The following GSG1L2 variants were observed in gnomAD, a reference collection of about 807,000 sequenced individuals.
The protein encoded by GSG1L2 is GSG1 like 2, also known as germ cell-specific gene 1-like protein 2.
Under a neutral mutation model 9.0 loss-of-function variants are expected in GSG1L2, and 15 were observed. The observed-to-expected ratio is 1.67, with a 90% CI of 1.12 to 2.57. The LOEUF (loss-of-function observed/expected upper bound fraction) is 2.57, where lower values mean the gene tolerates loss of function less well. GSG1L2 is among the 30% of genes most tolerant of loss of function. The pLI is 0.00. For missense variants in GSG1L2, 286 were observed against 150.3 expected, an observed-to-expected ratio of 1.90 and a Z score of -4.72; for synonymous variants, 127 against 57.9, an observed-to-expected ratio of 2.19 and a Z score of -5.41.
chr17:9,814,864 C>T (rs2066553514), intron 1 of GSG1L2, among the ~76,000 whole-genome samples: 1 of 152,128 alleles, frequency 6.6e-6, no homozygotes, highest in Admixed American at 6.5e-5. Flanking sequence ...GTCCCTCTGT[C>T]CTGAACTTTT....
chr17:9,810,717 G>A, intron 1 of GSG1L2, 99 bp from the exon 2 acceptor site: 1 of 690,952 alleles, frequency 1.4e-6, no homozygotes. Flanking sequence ...GGAATGGGGA[G>A]TGTGCAGACT....
intron 2 of GSG1L2, 163 bp from the exon 3 acceptor site, chr17:9,809,145 G>C: frequency 1.6e-6 from 1 of 611,620 alleles, no homozygotes; most frequent in Non-Finnish European, 2.9e-6. Context: ...GCAATGGAAA[G>C]GCACTCCTCA....
chr17:9,814,297 C>T (rs934377768), intron 1 of GSG1L2, among the ~76,000 whole-genome samples: 4 of 152,152 alleles, frequency 2.6e-5, no homozygotes, highest in African/African-American at 9.7e-5. Context: ...ATTTTATGGA[C>T]CTGGAGGAGA....
At chr17:9,807,332 G>T (rs2066519606) in intron 4 of GSG1L2, 158 bp downstream of exon 4, 6 of 603,814 alleles carry the variant, frequency 9.9e-6, no homozygotes, top group Non-Finnish European at 1.8e-5. Context: ...ATCGATGAGG[G>T]AATTGGGCTA....
chr17:9,807,843 G>A (rs1232335210), intron 3 of GSG1L2: 1 of 432,444 alleles, frequency 2.3e-6, no homozygotes, highest in African/African-American at 2.0e-5. Flanking sequence ...TCCATGGCCT[G>A]GTTCCTTCCT....
chr17:9,807,103 C>T (rs572066311), intron 4 of GSG1L2, among the ~76,000 whole-genome samples: 2 of 152,294 alleles, frequency 1.3e-5, no homozygotes, highest in South Asian at 2.1e-4. Flanking sequence ...ATTCCCATGT[C>T]GTGACCTTGT....
chr17:9,818,810 T>A (rs1049260856), intron 1 of GSG1L2, among the ~76,000 whole-genome samples: 11 of 152,120 alleles, frequency 7.2e-5, no homozygotes, highest in Admixed American at 6.6e-4. Context: ...ATCCAAACTC[T>A]ATCACCCCCG....
intron 4 of GSG1L2, 87 bp from the exon 5 acceptor site, chr17:9,802,731 GA>G: frequency 1.5e-6 from 1 of 649,724 alleles, no homozygotes; most frequent in South Asian, 1.7e-5. Flanking sequence ...TCAATCTGGA[GA>G]AAACAACAGC....
rs1597369679 is a variant in GSG1L2 at position 9,820,573 on chromosome 17, A to AG, written c.310+1188dup. 1.3e-5 allele frequency among the ~76,000 whole-genome samples: 2 copies of AG among 151,944 alleles called. No homozygotes were observed. Among genetic ancestry groups the AG allele is most frequent in the East Asian group, 1.9e-4 (1 of 5,160 alleles). ...ACAGGCACTGGCCTGGATACATGGG[A>AG]GGTTCAGTCAGGCTGGGTACTGCCC... On this transcript the variant is annotated intron_variant, in intron 1 of 4. Coordinates refer to ENST00000399363, the MANE Select transcript of GSG1L2 (RefSeq NM_001310219.2). This position sits in a 1 kb window ranked among gnomAD's most constrained non-coding sequence, Gnocchi z 4.9.
chr17:9,808,251 C>A (rs1194753146), intron 3 of GSG1L2, among the ~76,000 whole-genome samples: 1 of 151,956 alleles, frequency 6.6e-6, no homozygotes, highest in Non-Finnish European at 1.5e-5. Flanking sequence ...ACTTAGGAGA[C>A]CCGATTAAGT....
chr17:9,800,755 C>T lies in GSG1L2; in HGVS notation c.*1631G>A, dbSNP rs2066493626. On this transcript the variant is annotated 3_prime_UTR_variant, in exon 5 of 5. Transcript: ENST00000399363. ...TTGACCTGATATCGTGACAGTCACACAGGACCTGCCTACATGAATACATAG... is the reference window on the plus strand; with the variant it reads ...TTGACCTGATATCGTGACAGTCACATAGGACCTGCCTACATGAATACATAG... Among the ~76,000 whole-genome samples, 1 of 152,190 alleles carries T rather than the reference C, an allele frequency of 6.6e-6. No homozygotes were observed. Among genetic ancestry groups the T allele is most frequent in the South Asian group, 2.1e-4 (1 of 4,834 alleles).
rs891551493 is a variant in GSG1L2, at chr17:9,820,801, C to T, written c.310+961G>A. 7.2e-5 allele frequency among the ~76,000 whole-genome samples: 11 copies of T among 152,016 alleles called. No homozygotes were observed. Among genetic ancestry groups the T allele is most frequent in the African/African-American group, 2.7e-4 (11 of 41,384 alleles). ...GAGTAGCTGGGACCACAGGCACACC[C>T]CACCATGTCCAGCTAATTTTTTAAA... On this transcript the variant is annotated intron_variant, in intron 1 of 4. Coordinates refer to ENST00000399363, the MANE Select transcript of GSG1L2 (RefSeq NM_001310219.2). The surrounding 1 kb of genome is among the most constrained non-coding windows in gnomAD (Gnocchi z 4.9).
rs912539036 is a variant in GSG1L2, at chr17:9,808,896, A to C, written c.445T>G (p.Cys149Gly). The C allele has an allele frequency of 1.7e-5, 12 of 702,890 alleles. No homozygotes were observed. In the African/African-American group the frequency reaches 2.1e-4, roughly 12 times the overall value. The allele number at this position is 702,890 out of a possible 1,614,324, so 43.5% of individuals were successfully genotyped here. A position where few individuals can be genotyped will look rare whatever the true frequency, so the allele number is the denominator to read the frequency against. Reference sequence around the variant, plus strand: ...AGCCAGTGGAACCCAGGGCTGCGACAACTCACTCTGGAGCCCAGGAGGATG... The same window carrying C: ...AGCCAGTGGAACCCAGGGCTGCGACCACTCACTCTGGAGCCCAGGAGGATG... ...SAILLGSRVS[C>G]RSPGFHWLRV... The change falls in exon 3 of 5, where the codon TGT (cysteine) becomes GGT (glycine). Residue 149 changes from cysteine (C) to glycine (G), a missense_variant. Coordinates refer to ENST00000399363, the MANE Select transcript of GSG1L2 (RefSeq NM_001310219.2).
At chr17:9,803,392 C>A (rs766185644) in intron 4 of GSG1L2, among the ~76,000 whole-genome samples, 6 of 152,168 alleles carry the variant, frequency 3.9e-5, no homozygotes, top group Admixed American at 3.3e-4. Context: ...CATGAGCCAC[C>A]GCGCCCGACC....
At chr17:9,809,122 T>C in intron 2 of GSG1L2, 140 bp from the exon 3 acceptor site, 1 of 623,440 alleles carries the variant, frequency 1.6e-6, no homozygotes, top group Non-Finnish European at 2.9e-6. Flanking sequence ...ATGCCTCTGC[T>C]GAATCTTAGC....
intron 3 of GSG1L2, among the ~76,000 whole-genome samples, chr17:9,808,434 T>C (rs978040099): frequency 1.3e-5 from 2 of 152,138 alleles, no homozygotes; most frequent in Non-Finnish European, 2.9e-5. Context: ...TGAGATACAT[T>C]ATAGTGTTCT....
intron 1 of GSG1L2, among the ~76,000 whole-genome samples, chr17:9,812,950 C>G (rs1380990295): frequency 6.6e-6 from 1 of 152,168 alleles, no homozygotes; most frequent in Non-Finnish European, 1.5e-5. Flanking sequence ...AGAGATCTGG[C>G]TTGCTCTCTA....
Position 9,803,251 on chromosome 17 carries a change from C to T in GSG1L2, c.624-607G>A, listed in dbSNP as rs140454487. ...CCAAGTAGCCGGGACCACAGGCATG[C>T]GCCACCACACCCGGCTAATTTTTGT... On this transcript the variant is annotated intron_variant, in intron 4 of 4. Transcript: ENST00000399363. Among the ~76,000 whole-genome samples the T allele has an allele frequency of 2.8e-3, 431 of 152,164 alleles. 1 individual carries two copies. Among genetic ancestry groups the T allele is most frequent in the African/African-American group, 9.8e-3 (406 of 41,512 alleles).
At chr17:9,816,840 GTGTGTTTC>G (rs2066567784) in intron 1 of GSG1L2, among the ~76,000 whole-genome samples, 2 of 130,782 alleles carry the variant, frequency 1.5e-5, no homozygotes, top group Admixed American at 8.4e-5. Context: ...GTGTATCTGT[GTGTGTTTC>G]TGTGTATCTG....
Sources: allele counts gnomAD v4.1 joint callset (sites outside exome capture counted in the v4.1 genomes callset), GRCh38; gene constraint gnomAD v4.1.1; non-coding constraint Gnocchi (gnomAD v3.1); transcripts MANE v1.5; gene names NCBI Gene and HGNC (gene_info 2026-07-23, HGNC 2026-07-21).